ATG4A: variants seen among roughly 807,000 people sequenced by gnomAD.
ATG4A encodes autophagy related 4A cysteine peptidase, also known as cysteine protease ATG4A.
In ATG4A, 22 loss-of-function variants were observed where a neutral mutation model predicts 38.4. That is an observed-to-expected ratio of 0.57 (90% CI 0.41 to 0.82). The LOEUF is 0.82. Among genes scored for constraint, ATG4A ranks in the 40% least tolerant of loss-of-function variants. ATG4A has a pLI of 0.00. For synonymous variants in ATG4A, 86 were observed against 100.7 expected (o/e 0.85, Z 0.88); for missense variants, 220 against 290.0 (o/e 0.76, Z 1.75).
intron 1 of ATG4A, among the ~76,000 whole-genome samples, chrX:108,115,418 T>G (rs748739576): frequency 2.7e-5 from 3 of 111,692 alleles, no homozygotes; most frequent in Admixed American, 9.5e-5. Flanking sequence ...TCTTGCCTCC[T>G]CCCAGGTAAT....
chrX:108,137,572 A>G (rs2033138785), intron 7 of ATG4A, among the ~76,000 whole-genome samples: 2 of 111,635 alleles, frequency 1.8e-5, no homozygotes, highest in African/African-American at 6.5e-5. Flanking sequence ...ATAAGCCCAG[A>G]ATCCCTATTG....
At chrX:108,136,094 A>T (rs1213310268) in intron 6 of ATG4A, among the ~76,000 whole-genome samples, 2 of 108,940 alleles carry the variant, frequency 1.8e-5, no homozygotes, top group Admixed American at 1.9e-4. Context: ...GATTTTTTTA[A>T]AGAATGTAAA....
intron 9 of ATG4A, among the ~76,000 whole-genome samples, chrX:108,138,723 C>G (rs1256426378): frequency 1.8e-5 from 2 of 112,134 alleles, no homozygotes; most frequent in African/African-American, 6.5e-5. Flanking sequence ...TCTGGAAACC[C>G]AGTCTCTTTA....
intron 4 of ATG4A, 135 bp from the exon 5 acceptor site, chrX:108,133,922 T>C: frequency 2.2e-6 from 1 of 449,566 alleles, no homozygotes. Flanking sequence ...TACTTAGAAA[T>C]GTTCTAACTT....
At chrX:108,117,197 C>T (rs1217575679) in intron 1 of ATG4A, among the ~76,000 whole-genome samples, 1 of 109,702 alleles carries the variant, frequency 9.1e-6, no homozygotes, top group Non-Finnish European at 1.9e-5. Context: ...ATTCAACAAA[C>T]GTTAAACCTT....
chrX:108,127,619 T>G (rs1020797506), intron 2 of ATG4A, among the ~76,000 whole-genome samples: 3 of 111,853 alleles, frequency 2.7e-5, no homozygotes, highest in African/African-American at 9.8e-5. Context: ...ATACATCTGC[T>G]TCCCTGAATA....
intron 1 of ATG4A, among the ~76,000 whole-genome samples, chrX:108,120,285 C>T (rs2032616407): frequency 8.9e-6 from 1 of 112,200 alleles, no homozygotes; most frequent in Non-Finnish European, 1.9e-5. Context: ...TCTAGACTCT[C>T]CTTTCAAAGC....
At chrX:108,112,222 T>G (rs2032373268) in intron 1 of ATG4A, among the ~76,000 whole-genome samples, 1 of 111,797 alleles carries the variant, frequency 8.9e-6, no homozygotes, top group Non-Finnish European at 1.9e-5. Context: ...TGCTATCAAA[T>G]AGTAGATCTT....
intron 1 of ATG4A, among the ~76,000 whole-genome samples, chrX:108,093,117 T>G (rs1312607686): frequency 9.0e-6 from 1 of 111,565 alleles, no homozygotes; most frequent in Non-Finnish European, 1.9e-5. Flanking sequence ...TAAATGATTT[T>G]TGGTAACTTT....
intron 1 of ATG4A, among the ~76,000 whole-genome samples, chrX:108,100,360 T>C (rs1236159948): frequency 9.0e-6 from 1 of 111,685 alleles, no homozygotes; most frequent in African/African-American, 3.3e-5. Flanking sequence ...GGTATTTTTC[T>C]AATTTTTTTT....
At chrX:108,132,148 C>G (rs1429631025) in intron 4 of ATG4A, among the ~76,000 whole-genome samples, 2 of 111,949 alleles carry the variant, frequency 1.8e-5, no homozygotes, top group Admixed American at 1.9e-4. Flanking sequence ...ATCCACCCGC[C>G]TCGGCCTCCC....
Position 108,153,900 on chromosome X carries a change from C to T in ATG4A, c.*188C>T. 2.7e-6 allele frequency: 1 copy of T among 376,514 alleles called. No individual in the cohort carries two copies. Among genetic ancestry groups the T allele is most frequent in the South Asian group, 5.3e-5 (1 of 19,033 alleles). The allele number at this position is 376,514 out of a possible 1,213,427, so 31.0% of individuals were successfully genotyped here. ...AACAAAACAAAACAAATGACAGTAA[C>T]CCTTCCCCGGAAAGAAATAGAACAA... On this transcript the variant is annotated 3_prime_UTR_variant, in exon 13 of 13. Coordinates refer to ENST00000372232, the MANE Select transcript of ATG4A (RefSeq NM_052936.5).
At chrX:108,150,402 A>C in intron 10 of ATG4A, 105 bp downstream of exon 10, 1 of 1,038,085 alleles carries the variant, frequency 9.6e-7, no homozygotes, top group African/African-American at 1.8e-5. Context: ...ATGTTTGCTC[A>C]CTATCCCCAT....
intron 1 of ATG4A, among the ~76,000 whole-genome samples, chrX:108,098,610 A>T (rs183523545): frequency 9.0e-6 from 1 of 111,071 alleles, no homozygotes; most frequent in East Asian, 2.8e-4. Flanking sequence ...CTCCTGTGCT[A>T]CCTCTTTATA....
intron 6 of ATG4A, among the ~76,000 whole-genome samples, chrX:108,135,619 G>T (rs757696954): frequency 6.4e-4 from 72 of 111,738 alleles, no homozygotes; most frequent in African/African-American, 2.3e-3. Context: ...AATCTGGTAG[G>T]ATTTCAGGAA....
intron 6 of ATG4A, 47 bp downstream of exon 6, chrX:108,134,458 C>A: frequency 9.0e-7 from 1 of 1,107,878 alleles, no homozygotes; most frequent in Non-Finnish European, 1.2e-6. Flanking sequence ...GTCTCCTATG[C>A]TTCCCTCCCT....
chrX:108,151,271 A>G (rs2053990603), intron 10 of ATG4A, among the ~76,000 whole-genome samples: 1 of 111,835 alleles, frequency 8.9e-6, no homozygotes, highest in Non-Finnish European at 1.9e-5. Context: ...AATTGTCAGT[A>G]TACCAGTGAC....
intron 1 of ATG4A, among the ~76,000 whole-genome samples, chrX:108,116,670 AG>A (rs2032517650): frequency 9.0e-6 from 1 of 111,666 alleles, no homozygotes; most frequent in Non-Finnish European, 1.9e-5. Flanking sequence ...GAAACCCTTT[AG>A]GGGCCCCATG....
intron 2 of ATG4A, chrX:108,126,735 C>T: frequency 1.0e-6 from 1 of 978,361 alleles, no homozygotes; most frequent in Non-Finnish European, 1.3e-6. Context: ...CTTTTAGCCA[C>T]TGCAGCTAGA....
Sources: gnomAD v4.1 joint callset for allele counts (sites outside exome capture counted in the v4.1 genomes callset) on GRCh38, gnomAD v4.1.1 for gene constraint, MANE v1.5 for transcripts, NCBI Gene and HGNC (gene_info 2026-07-23, HGNC 2026-07-21) for gene names.